Variants in EXD1 observed in about 807,000 individuals in gnomAD.
EXD1 encodes the protein piRNA biogenesis protein EXD1.
Under a neutral mutation model 49.1 loss-of-function variants are expected in EXD1, and 63 were observed. That is an observed-to-expected ratio of 1.28 (90% CI 1.05 to 1.58). The LOEUF (loss-of-function observed/expected upper bound fraction) is 1.58, where lower values mean the gene tolerates loss of function less well. EXD1 is among the 40% of genes most tolerant of loss of function. The pLI, the probability that EXD1 is intolerant of heterozygous loss-of-function variation, is 0.00. For missense variants in EXD1, 748 were observed against 666.0 expected, an observed-to-expected ratio of 1.12 and a Z score of -1.36; for synonymous variants, 234 against 239.2, an observed-to-expected ratio of 0.98 and a Z score of 0.20.
intron 6 of EXD1, among the ~76,000 whole-genome samples, chr15:41,215,078 CCTTA>C (rs1454913012): frequency 9.2e-5 from 14 of 152,140 alleles, no homozygotes. Context: ...TACATGGCTC[CCTTA>C]CTTACTCAGG....
At chr15:41,189,413 C>T (rs554681911) in intron 11 of EXD1, among the ~76,000 whole-genome samples, 2 of 150,680 alleles carry the variant, frequency 1.3e-5, no homozygotes, top group East Asian at 4.0e-4. Flanking sequence ...CCTGTAATCC[C>T]AGCACTTTGG....
chr15:41,186,843 C>T (rs1259277099), intron 11 of EXD1, among the ~76,000 whole-genome samples: 1 of 150,424 alleles, frequency 6.6e-6, no homozygotes, highest in Non-Finnish European at 1.5e-5. Flanking sequence ...GGTGCACTCT[C>T]GGCTCACTGC....
chr15:41,195,248 C>G (rs965899311), intron 9 of EXD1, among the ~76,000 whole-genome samples: 1 of 152,050 alleles, frequency 6.6e-6, no homozygotes, highest in Non-Finnish European at 1.5e-5. Context: ...AACAATAATG[C>G]TGGTAGAATC....
chr15:41,196,533 G>A (rs1253887217), intron 7 of EXD1, among the ~76,000 whole-genome samples: 1 of 151,906 alleles, frequency 6.6e-6, no homozygotes, highest in Non-Finnish European at 1.5e-5. Context: ...GGCCAGGATG[G>A]TCTCAATCTC....
rs141309764 is a variant in EXD1 at position 41,209,537 on chromosome 15, C to T, written c.498G>A (p.Ala166=). 1.1e-4 allele frequency: 173 copies of T among 1,614,182 alleles called. 3 individuals are homozygous for T. The African/African-American group carries it at 2.1e-3, about 19-fold the overall frequency. The change falls in exon 7 of 12, where the codon GCG becomes GCA. Residue 166 remains alanine (A), a synonymous_variant. Coordinates refer to ENST00000458580, the MANE Select transcript of EXD1 (RefSeq NM_001286441.2). ...QNVLSVAAEG[A]NVCRHGKLCW... is the part of the protein sequence containing the mutation. ...ACAGTTTGCCATGGCGACATACATT[C>T]GCTCCTTCTGCTGCCACACTCAGGA...
chr15:41,200,245 G>A lies in EXD1; in HGVS notation c.535-4208C>T, dbSNP rs770393901. On this transcript the variant is annotated intron_variant, in intron 7 of 11. Coordinates refer to ENST00000458580, the MANE Select transcript of EXD1 (RefSeq NM_001286441.2). ...CTTTAAAATAATAAATGAGTAGGCC[G>A]AGTGCAGTGGCTCATGCCTGTAATC... 3.3e-5 allele frequency among the ~76,000 whole-genome samples: 5 copies of A among 152,040 alleles called. 1 individual carries two copies. Among genetic ancestry groups the A allele is most frequent in the East Asian group, 1.9e-4 (1 of 5,202 alleles).
At chr15:41,202,921 A>G (rs1460536927) in intron 7 of EXD1, among the ~76,000 whole-genome samples, 2 of 149,854 alleles carry the variant, frequency 1.3e-5, no homozygotes, top group East Asian at 1.9e-4. Flanking sequence ...CTGTCTCAAA[A>G]AAAAAAAAAA....
intron 7 of EXD1, among the ~76,000 whole-genome samples, chr15:41,201,685 T>C (rs536516634): frequency 5.3e-5 from 8 of 152,058 alleles, no homozygotes; most frequent in African/African-American, 1.9e-4. Context: ...AGACAGGGTT[T>C]CACCATATTG....
intron 7 of EXD1, among the ~76,000 whole-genome samples, chr15:41,204,965 C>G (rs961423904): frequency 6.6e-6 from 1 of 152,134 alleles, no homozygotes; most frequent in Non-Finnish European, 1.5e-5. Flanking sequence ...ACAGACAGGC[C>G]TTGCTGGGTT....
intron 6 of EXD1, among the ~76,000 whole-genome samples, chr15:41,215,132 G>A (rs934874554): frequency 5.9e-5 from 9 of 152,134 alleles, no homozygotes; most frequent in Non-Finnish European, 1.5e-5. Context: ...TGTTTTCTCT[G>A]TCTATCCCAC....
In EXD1 at chr15:41,196,119, C is replaced by T. The variant is rs569537413; in HGVS notation, c.535-82G>A. 4.5e-5 allele frequency: 43 copies of T among 964,460 alleles called. 1 individual carries two copies. The highest frequency in any genetic ancestry group is 2.6e-4 in the Admixed American group (10 of 37,910). The allele number at this position is 964,460 out of a possible 1,614,324, so 59.7% of individuals were successfully genotyped here. On this transcript the variant is annotated intron_variant, in intron 7 of 11. Transcript: ENST00000458580. ...AAATTTGAGGATGAAGAGTAAAAGA[C>T]GTGATAAAATATCTAACATCTTCAC...
intron 2 of EXD1, among the ~76,000 whole-genome samples, chr15:41,221,137 T>C (rs1297129212): frequency 6.6e-6 from 1 of 152,342 alleles, no homozygotes; most frequent in East Asian, 1.9e-4. Flanking sequence ...AAATTTCCAG[T>C]AACATAATAA....
At position 41,219,880 on chromosome 15, in the gene EXD1, C is replaced by T. The variant is rs867988086; in HGVS notation, c.152G>A (p.Gly51Asp). Residue 51 changes from glycine (G) to aspartate (D), a missense_variant, in exon 3 of 12, where the codon GGT becomes GAT. By Grantham distance (94) the Gly-to-Asp change is moderately conservative. Transcript: ENST00000458580. ...VLKKVKNVET[G>D]RSVPGVKLFF... ...CAACTTCACTCCTGGGACACTTCGA[C>T]CTGTCTCCACATTCTTCACTGTTAC... 16 of 1,535,480 alleles carry T rather than the reference C, an allele frequency of 1.0e-5. No individual in the cohort carries two copies. Among genetic ancestry groups the T allele is most frequent in the Non-Finnish European group, 1.4e-5 (16 of 1,146,688 alleles).
At chr15:41,199,739 G>GATATATATCATATAAGATATATA (rs777473507) in intron 7 of EXD1, among the ~76,000 whole-genome samples, 1 of 79,378 alleles carries the variant, frequency 1.3e-5, no homozygotes, top group African/African-American at 5.2e-5. Flanking sequence ...TGATATATAT[G>GATATATATCATATAAGATATATA]TCATATATTA....
chr15:41,191,321 A>AT (rs1341342454), intron 10 of EXD1, 121 bp downstream of exon 10: 2 of 869,042 alleles, frequency 2.3e-6, no homozygotes, highest in Admixed American at 2.6e-5. Flanking sequence ...TACAGTTAAG[A>AT]TTTTGGCAAT....
chr15:41,194,588 A>C (rs942283145), intron 9 of EXD1, among the ~76,000 whole-genome samples: 6 of 152,184 alleles, frequency 3.9e-5, no homozygotes, highest in Non-Finnish European at 7.3e-5. Flanking sequence ...TAAAATAATA[A>C]ATTTGCATTG....
chr15:41,226,714 C>A (rs1425936227), intron 1 of EXD1, 86 bp from the exon 2 acceptor site: 4 of 1,077,618 alleles, frequency 3.7e-6, no homozygotes, highest in Admixed American at 3.1e-5. Context: ...CTGTAATGGA[C>A]AAGAATAAAA....
At chr15:41,201,770 G>A (rs1481393421) in intron 7 of EXD1, among the ~76,000 whole-genome samples, 1 of 152,072 alleles carries the variant, frequency 6.6e-6, no homozygotes, top group Non-Finnish European at 1.5e-5. Flanking sequence ...TTAGAGGCCT[G>A]AGTCACCGTG....
In EXD1 at chr15:41,190,146, A is replaced by G; in HGVS notation, c.865-18T>C. 6.2e-7 allele frequency: 1 copy of G among 1,613,328 alleles called. No individual in the cohort carries two copies. The highest frequency in any genetic ancestry group is 8.5e-7 in the Non-Finnish European group (1 of 1,179,376). ...GGATTTTCCTGGAGACAATAAAACAATTTCCTCTGAACAGTAAGCAAGACT... is the reference window on the plus strand; with the variant it reads ...GGATTTTCCTGGAGACAATAAAACAGTTTCCTCTGAACAGTAAGCAAGACT... On this transcript the variant is annotated intron_variant, in intron 10 of 11. Transcript: ENST00000458580.
Sources: allele counts gnomAD v4.1 joint callset (sites outside exome capture counted in the v4.1 genomes callset), GRCh38; gene constraint gnomAD v4.1.1; transcripts MANE v1.5; gene names NCBI Gene and HGNC (gene_info 2026-07-23, HGNC 2026-07-21).